DNAH9: variants seen among roughly 807,000 people sequenced by gnomAD.
DNAH9 encodes DNAH9 variant protein.
DNAH9 carries 345 observed loss-of-function variants against 471.6 expected under a neutral mutation model. The observed-to-expected ratio is 0.73, with a 90% CI of 0.67 to 0.80. The LOEUF (loss-of-function observed/expected upper bound fraction) is 0.80, where lower values mean the gene tolerates loss of function less well. Among genes scored for constraint, DNAH9 ranks in the 30% least tolerant of loss-of-function variants. DNAH9 has a pLI of 0.00. For missense variants in DNAH9, 5,407 were observed against 5,609.2 expected, an observed-to-expected ratio of 0.96 and a Z score of 1.15; for synonymous variants, 2,093 against 2,123.6, an observed-to-expected ratio of 0.99 and a Z score of 0.40.
At chr17:11,675,715 T>C (rs11871145) in intron 17 of DNAH9, among the ~76,000 whole-genome samples, 30,131 of 152,136 alleles carry the variant, frequency 0.2, 3,312 homozygotes, top group African/African-American at 0.3. Flanking sequence ...TCCCTCAAGA[T>C]GTTAAAGTGG....
chr17:11,744,145 C>A (rs1368373036), intron 30 of DNAH9, among the ~76,000 whole-genome samples: 1 of 152,090 alleles, frequency 6.6e-6, no homozygotes, highest in Non-Finnish European at 1.5e-5. Context: ...TAGCATTTGT[C>A]ATGGCTCTAA....
intron 32 of DNAH9, among the ~76,000 whole-genome samples, chr17:11,748,438 G>T (rs1490579765): frequency 6.6e-6 from 1 of 152,194 alleles, no homozygotes; most frequent in East Asian, 1.9e-4. Flanking sequence ...CTTCAAGTAT[G>T]TGTTGGGTAG....
At chr17:11,598,937 C>A in intron 1 of DNAH9, 22 bp downstream of exon 1, 1 of 1,300,694 alleles carries the variant, frequency 7.7e-7, no homozygotes. Context: ...TTAGTGTCCC[C>A]GCGCGGCTAA....
intron 59 of DNAH9, among the ~76,000 whole-genome samples, chr17:11,895,513 T>C (rs1337241758): frequency 6.6e-6 from 1 of 152,232 alleles, no homozygotes; most frequent in East Asian, 1.9e-4. Flanking sequence ...ACAATTCATA[T>C]GCAGTTTTAA....
At chr17:11,627,687 ATC>A (rs1274203020) in intron 6 of DNAH9, among the ~76,000 whole-genome samples, 1 of 152,176 alleles carries the variant, frequency 6.6e-6, no homozygotes, top group African/African-American at 2.4e-5. Flanking sequence ...TGGTTTTGGC[ATC>A]TGTCTTCCCT....
intron 68 of DNAH9, among the ~76,000 whole-genome samples, chr17:11,965,185 G>A (rs1267246080): frequency 6.6e-6 from 1 of 152,218 alleles, no homozygotes. Flanking sequence ...CTGTGGACAT[G>A]CTCAAGAGAG....
At chr17:11,917,993 T>C (rs936882246) in intron 61 of DNAH9, among the ~76,000 whole-genome samples, 2 of 152,208 alleles carry the variant, frequency 1.3e-5, no homozygotes, top group Admixed American at 1.3e-4. Context: ...TTCCATTTTC[T>C]GATCAGAAAG....
Position 11,744,814 on chromosome 17 carries a change from C to T in DNAH9, c.6129C>T (p.Gly2043=), listed in dbSNP as rs1322418327. Residue 2043 remains glycine, a synonymous_variant, in exon 31 of 69, where the codon GGC becomes GGT. Coordinates refer to ENST00000262442, the MANE Select transcript of DNAH9 (RefSeq NM_001372.4). ...GCCCACAGGATCACTACGACTGGGG[C>T]CTACGGGCCATCAAGTCCGTGCTGG... The part of the protein sequence containing the change: ...LLSKQDHYDW[G]LRAIKSVLVV... 1 of 1,613,474 alleles carries T rather than the reference C, an allele frequency of 6.2e-7. No homozygotes were observed. The highest frequency in any genetic ancestry group is 1.1e-5 in the South Asian group (1 of 91,024).
chr17:11,609,947 G>A (rs976509691), intron 2 of DNAH9, among the ~76,000 whole-genome samples: 5 of 152,194 alleles, frequency 3.3e-5, no homozygotes, highest in Admixed American at 2.0e-4. Flanking sequence ...TCAGTATAGA[G>A]ACAAACTTTT....
intron 49 of DNAH9, among the ~76,000 whole-genome samples, chr17:11,847,574 A>G (rs936185657): frequency 1.3e-5 from 2 of 152,092 alleles, no homozygotes; most frequent in African/African-American, 4.8e-5. Context: ...GGTCTGGTCT[A>G]TGTGTCTGTT....
chr17:11,941,723 GA>G (rs1974917860), intron 66 of DNAH9, among the ~76,000 whole-genome samples: 1 of 147,336 alleles, frequency 6.8e-6, no homozygotes, highest in Admixed American at 6.9e-5. Flanking sequence ...TAGATAGATA[GA>G]TAGATAGATA....
intron 66 of DNAH9, among the ~76,000 whole-genome samples, chr17:11,941,694 GGATAGATA>G (rs58634740): frequency 0.024 from 3,522 of 148,258 alleles, 72 homozygotes; most frequent in South Asian, 0.07. Flanking sequence ...GTGGATGACC[GGATAGATA>G]GATAGATAGA....
rs1028410866 is a variant in DNAH9 at position 11,892,696 on chromosome 17, G to A, written c.11283+749G>A. 6.6e-6 allele frequency among the ~76,000 whole-genome samples: 1 copy of A among 152,166 alleles called. No individual in the cohort carries two copies. Among genetic ancestry groups the A allele is most frequent in the Middle Eastern group, 3.4e-3 (1 of 294 alleles). On this transcript the variant is annotated intron_variant, in intron 58 of 68. Coordinates refer to ENST00000262442, the MANE Select transcript of DNAH9 (RefSeq NM_001372.4). This position sits in a 1 kb window ranked among gnomAD's most constrained non-coding sequence, Gnocchi z 4.3. Reference sequence around the variant, plus strand: ...CTCCCGTGTAGCTGGGATTACAGGTGTGCGCCACCAGGCCCAGCGAATTTT... The same window carrying A: ...CTCCCGTGTAGCTGGGATTACAGGTATGCGCCACCAGGCCCAGCGAATTTT...
At position 11,923,809 on chromosome 17, in the gene DNAH9, T is replaced by A. The variant is rs753217430; in HGVS notation, c.11750-5T>A. On this transcript the variant is annotated splice_region_variant and splice_polypyrimidine_tract_variant and intron_variant, in intron 61 of 68. Transcript: ENST00000262442. ...ATAATAATGACGCCTCCATCCTCCT[T>A]TTAGGAAGAAAACTTGGATACACCT... 6.2e-7 allele frequency: 1 copy of A among 1,613,566 alleles called. No homozygotes were observed. The highest frequency in any genetic ancestry group is 2.2e-5 in the East Asian group (1 of 44,862).
intron 67 of DNAH9, among the ~76,000 whole-genome samples, chr17:11,951,168 A>G (rs931253563): frequency 6.6e-6 from 1 of 152,328 alleles, no homozygotes; most frequent in East Asian, 1.9e-4. Flanking sequence ...GCATTTTATA[A>G]CCATGGAAGT....
intron 26 of DNAH9, among the ~76,000 whole-genome samples, chr17:11,707,305 A>G (rs1385015832): frequency 6.6e-6 from 1 of 152,182 alleles, no homozygotes; most frequent in East Asian, 1.9e-4. Context: ...AATCTGTGCT[A>G]TTTTTTGACT....
intron 28 of DNAH9, among the ~76,000 whole-genome samples, chr17:11,730,584 T>C (rs1481329752): frequency 2.0e-5 from 3 of 152,194 alleles, no homozygotes; most frequent in Admixed American, 2.0e-4. Context: ...ACCTTGAGCA[T>C]ATCCATGTCT....
intron 27 of DNAH9, among the ~76,000 whole-genome samples, chr17:11,721,036 T>C (rs1037398373): frequency 5.5e-5 from 7 of 128,086 alleles, no homozygotes; most frequent in African/African-American, 1.3e-4. Flanking sequence ...AAAGGGAACA[T>C]TGTGAAAGAA....
At chr17:11,812,009 A>T (rs1597681337) in intron 45 of DNAH9, among the ~76,000 whole-genome samples, 1 of 61,158 alleles carries the variant, frequency 1.6e-5, no homozygotes, top group African/African-American at 8.2e-5. Flanking sequence ...AAAAAAAAAA[A>T]AAAAAAAAAA....
Sources: gnomAD v4.1 joint callset for allele counts (sites outside exome capture counted in the v4.1 genomes callset) on GRCh38, gnomAD v4.1.1 for gene constraint, Gnocchi (gnomAD v3.1) non-coding constraint, MANE v1.5 for transcripts, NCBI Gene and HGNC (gene_info 2026-07-23, HGNC 2026-07-21) for gene names.